DACH2: variants seen among roughly 807,000 people sequenced by gnomAD.
DACH2 encodes the protein dachshund homolog 2.
Under a neutral mutation model 35.8 loss-of-function variants are expected in DACH2, and 17 were observed. The observed-to-expected ratio is 0.48, with a 90% confidence interval of 0.33 to 0.71. DACH2 has a LOEUF of 0.71. Among genes scored for constraint, DACH2 ranks in the 30% least tolerant of loss-of-function variants. DACH2 has a pLI of 0.02. For synonymous variants in DACH2, 195 were observed against 177.3 expected (o/e 1.10, Z -0.79); for missense variants, 469 against 472.7 (o/e 0.99, Z 0.07).
At chrX:86,765,785 T>A (rs1220517453) in intron 7 of DACH2, among the ~76,000 whole-genome samples, 2 of 101,502 alleles carry the variant, frequency 2.0e-5, no homozygotes, top group African/African-American at 7.4e-5. Flanking sequence ...TTTCTCTTAT[T>A]CTGTTAAAAA....
At chrX:86,595,851 G>T (rs2148353527) in intron 3 of DACH2, among the ~76,000 whole-genome samples, 1 of 109,945 alleles carries the variant, frequency 9.1e-6, no homozygotes, top group South Asian at 3.8e-4. Flanking sequence ...TGTAGTTTCA[G>T]AACTTTTTCA....
Position 86,756,296 on chromosome X carries a change from G to A in DACH2, c.1240+16414G>A, listed in dbSNP as rs1471984841. Among the ~76,000 whole-genome samples, 8 of 111,144 alleles carry A rather than the reference G, an allele frequency of 7.2e-5. No homozygotes were observed. The East Asian group carries it at 2.3e-3, about 32-fold the overall frequency. ...AAAGTGATATTGGTATTTCAATAGA[G>A]ATTGCATTGAATCTGTAGATTGCTT... On this transcript the variant is annotated intron_variant, in intron 7 of 11. Transcript: ENST00000373125.
intron 1 of DACH2, among the ~76,000 whole-genome samples, chrX:86,311,993 C>A (rs1340524604): frequency 9.0e-6 from 1 of 110,923 alleles, no homozygotes; most frequent in Non-Finnish European, 1.9e-5. Flanking sequence ...TGATCCAGAC[C>A]CTTCAGGAAT....
intron 3 of DACH2, among the ~76,000 whole-genome samples, chrX:86,554,523 A>C (rs531893962): frequency 1.8e-5 from 2 of 111,867 alleles, no homozygotes; most frequent in Non-Finnish European, 3.8e-5. Flanking sequence ...GTCATATATT[A>C]TTCTAATTAT....
intron 2 of DACH2, among the ~76,000 whole-genome samples, chrX:86,485,820 T>C (rs1006186055): frequency 5.4e-5 from 6 of 112,025 alleles, no homozygotes; most frequent in African/African-American, 1.9e-4. Flanking sequence ...GCTTAATTTT[T>C]GACTACAGCA....
chrX:86,272,953 G>A (rs1020729185), intron 1 of DACH2, among the ~76,000 whole-genome samples: 3 of 111,252 alleles, frequency 2.7e-5, no homozygotes, highest in African/African-American at 9.8e-5. Context: ...GAGATCTAGA[G>A]ATTTTTAATG....
intron 2 of DACH2, among the ~76,000 whole-genome samples, chrX:86,474,137 A>G (rs1231461081): frequency 8.9e-6 from 1 of 111,996 alleles, no homozygotes; most frequent in Non-Finnish European, 1.9e-5. Flanking sequence ...ACCTTTTCAT[A>G]TGCCTGTTTG....
At chrX:86,326,482 TATACATACAC>T (rs766499206) in intron 1 of DACH2, among the ~76,000 whole-genome samples, 1 of 72,831 alleles carries the variant, frequency 1.4e-5, no homozygotes, top group African/African-American at 5.2e-5. Context: ...GTTAAAAAAT[TATACATACAC>T]ACACACACAC....
chrX:86,168,099 T>A (rs1205655195), intron 1 of DACH2, among the ~76,000 whole-genome samples: 6 of 111,642 alleles, frequency 5.4e-5, no homozygotes. Flanking sequence ...CATTTTGGAT[T>A]TTCTGTCTGG....
intron 3 of DACH2, among the ~76,000 whole-genome samples, chrX:86,557,727 G>T (rs1160677894): frequency 1.8e-5 from 1 of 56,895 alleles, no homozygotes; most frequent in South Asian, 1.2e-3. Context: ...GTTCACTCAT[G>T]ATTTGGCTGT....
chrX:86,747,801 G>T (rs1005715119), intron 7 of DACH2, among the ~76,000 whole-genome samples: 1 of 111,371 alleles, frequency 9.0e-6, no homozygotes, highest in Non-Finnish European at 1.9e-5. Flanking sequence ...CACATCAATT[G>T]ACTTTTCCTT....
At chrX:86,440,518 G>C (rs1253216606) in intron 2 of DACH2, among the ~76,000 whole-genome samples, 1 of 111,126 alleles carries the variant, frequency 9.0e-6, no homozygotes, top group African/African-American at 3.3e-5. Context: ...ATTTAAAATG[G>C]AATTTTTTGG....
At chrX:86,453,027 C>T (rs1224334021) in intron 2 of DACH2, among the ~76,000 whole-genome samples, 1 of 111,497 alleles carries the variant, frequency 9.0e-6, no homozygotes, top group Non-Finnish European at 1.9e-5. Flanking sequence ...TGTTTGTTCT[C>T]ATTAGTTTCA....
At chrX:86,335,226 C>T (rs1322330479) in intron 1 of DACH2, among the ~76,000 whole-genome samples, 4 of 110,779 alleles carry the variant, frequency 3.6e-5, no homozygotes, top group East Asian at 2.8e-4. Context: ...TGCTTCTTGG[C>T]TACACATGCT....
At chrX:86,696,774 G>A (rs2041072429) in intron 5 of DACH2, among the ~76,000 whole-genome samples, 1 of 111,012 alleles carries the variant, frequency 9.0e-6, no homozygotes, top group Non-Finnish European at 1.9e-5. Context: ...CCTGTCTTAT[G>A]GGGCCCCTAC....
chrX:86,541,934 A>T (rs188848707), intron 3 of DACH2, among the ~76,000 whole-genome samples: 1 of 111,811 alleles, frequency 8.9e-6, no homozygotes, highest in African/African-American at 3.2e-5. Context: ...AAAAAGAGAA[A>T]TTTTTTGAGG....
intron 2 of DACH2, among the ~76,000 whole-genome samples, chrX:86,408,420 T>C (rs2036559024): frequency 9.0e-6 from 1 of 111,635 alleles, no homozygotes; most frequent in Non-Finnish European, 1.9e-5. Context: ...TATGGGATCA[T>C]GTGAAAGCAT....
chrX:86,610,363 C>CTCTTTCTTTCTTTCTTTCTTTCTT (rs201309617), intron 3 of DACH2, among the ~76,000 whole-genome samples: 3 of 70,084 alleles, frequency 4.3e-5, no homozygotes, highest in East Asian at 5.2e-4. Flanking sequence ...TCCTTCCTTC[C>CTCTTTCTTTCTTTCTTTCTTTCTT]TCTTTCTTTC....
intron 3 of DACH2, among the ~76,000 whole-genome samples, chrX:86,649,572 A>T (rs1022892207): frequency 5.4e-5 from 6 of 111,398 alleles, no homozygotes; most frequent in African/African-American, 2.0e-4. Context: ...GGCCATCAAG[A>T]TAATGTACAA....
Sources: gnomAD v4.1 joint callset for allele counts (sites outside exome capture counted in the v4.1 genomes callset) on GRCh38, gnomAD v4.1.1 for gene constraint, MANE v1.5 for transcripts, NCBI Gene and HGNC (gene_info 2026-07-23, HGNC 2026-07-21) for gene names.